Variants in CCDC85A observed in about 807,000 individuals in gnomAD.
The protein encoded by CCDC85A is coiled-coil domain-containing protein 85A.
Under a neutral mutation model 50.2 loss-of-function variants are expected in CCDC85A, and 38 were observed. The observed-to-expected ratio is 0.76, with a 90% confidence interval of 0.58 to 0.99. The LOEUF is 0.99. Ranked by LOEUF, CCDC85A falls within the 50% of genes least tolerant of loss-of-function variation. The pLI, the probability that CCDC85A is intolerant of heterozygous loss-of-function variation, is 0.00. For missense variants in CCDC85A, 820 were observed against 742.0 expected (o/e 1.11, Z -1.22); for synonymous variants, 366 against 301.4 (o/e 1.21, Z -2.22).
At chr2:56,241,392 C>T (rs189884067) in intron 2 of CCDC85A, among the ~76,000 whole-genome samples, 40 of 152,160 alleles carry the variant, frequency 2.6e-4, no homozygotes, top group African/African-American at 3.9e-4. Flanking sequence ...GTAGTTGCCG[C>T]GTTGTGCTAT....
intron 2 of CCDC85A, among the ~76,000 whole-genome samples, chr2:56,339,169 A>G (rs1025737646): frequency 6.6e-5 from 10 of 152,324 alleles, no homozygotes; most frequent in African/African-American, 2.4e-4. Flanking sequence ...GACACAAATC[A>G]GTGACACAAT....
At chr2:56,204,838 C>A (rs1438417347) in intron 2 of CCDC85A, among the ~76,000 whole-genome samples, 1 of 152,236 alleles carries the variant, frequency 6.6e-6, no homozygotes. Context: ...AGCAATTCAT[C>A]TAGCAATATC....
At chr2:56,252,848 T>G (rs527271170) in intron 2 of CCDC85A, among the ~76,000 whole-genome samples, 3 of 152,184 alleles carry the variant, frequency 2.0e-5, no homozygotes, top group African/African-American at 7.2e-5. Context: ...TCCAGCTTCA[T>G]CCATGTCCCT....
At position 56,248,341 on chromosome 2, in the gene CCDC85A, C is replaced by T. The variant is rs147511930; in HGVS notation, c.1240+54901C>T. Reference sequence around the variant, plus strand: ...TTCTGTTATGGGGAAGCCCTGGCATCGTAACCAGGGGCCAAGTGGAGCGGT... The same window carrying T: ...TTCTGTTATGGGGAAGCCCTGGCATTGTAACCAGGGGCCAAGTGGAGCGGT... On this transcript the variant is annotated intron_variant, in intron 2 of 5. Transcript: ENST00000407595. 1.0e-3 allele frequency among the ~76,000 whole-genome samples: 155 copies of T among 152,234 alleles called. 1 individual carries two copies. In the East Asian group the frequency reaches 0.011, roughly 11 times the overall value.
In CCDC85A at chr2:56,372,449, G is replaced by T; in HGVS notation, c.1423G>T (p.Gly475Ter). ...RVLQWWQGCR[G>*]IGRCLPTLPG... is the part of the protein sequence containing the mutation. ...CTTGCAGTGGTGGCAAGGGTGCCGA[G>T]GAATAGGACGATGCCTGCCTACTCT... Residue 475 changes from glycine to a stop codon, truncating the protein, a stop_gained, in exon 4 of 6, where the codon GGA becomes TGA. Transcript: ENST00000407595. LOFTEE classifies it high-confidence loss of function. 6.2e-7 allele frequency: 1 copy of T among 1,609,838 alleles called. No individual in the cohort carries two copies. The highest frequency in any genetic ancestry group is 1.7e-5 in the Admixed American group (1 of 59,612).
intron 3 of CCDC85A, among the ~76,000 whole-genome samples, chr2:56,343,386 T>C (rs1437884269): frequency 6.6e-6 from 1 of 152,228 alleles, no homozygotes; most frequent in Non-Finnish European, 1.5e-5. Context: ...ATTAAATTAG[T>C]ACATTCTAAA....
intron 5 of CCDC85A, among the ~76,000 whole-genome samples, chr2:56,380,387 A>G (rs1676524729): frequency 6.6e-6 from 1 of 152,054 alleles, no homozygotes; most frequent in Admixed American, 6.6e-5. Flanking sequence ...GGTAAGAAAG[A>G]CAGATAAGAA....
intron 1 of CCDC85A, among the ~76,000 whole-genome samples, chr2:56,191,322 T>A (rs571712908): frequency 5.4e-4 from 83 of 152,312 alleles, no homozygotes; most frequent in African/African-American, 2.0e-3. Context: ...CATGTCAGGG[T>A]CTTTGCTGTG....
At chr2:56,368,572 G>C (rs183572487) in intron 3 of CCDC85A, among the ~76,000 whole-genome samples, 46 of 152,184 alleles carry the variant, frequency 3.0e-4, no homozygotes, top group Middle Eastern at 3.4e-3. Context: ...GTTTAACCAA[G>C]TTCAGGAATT....
At chr2:56,281,962 T>C (rs1671225097) in intron 2 of CCDC85A, among the ~76,000 whole-genome samples, 1 of 152,168 alleles carries the variant, frequency 6.6e-6, no homozygotes, top group Non-Finnish European at 1.5e-5. Context: ...TTTAAAAATT[T>C]TGTGGTCTGT....
chr2:56,184,124 C>T lies in CCDC85A; in HGVS notation c.-501C>T, dbSNP rs1572988549. On this transcript the variant is annotated 5_prime_UTR_variant, in exon 1 of 6. Transcript: ENST00000407595. ...GGCGTCGCTAGAGCAGCCGGGGAGGCGCCGCGGTGCCCGGCGCGCCCTCCA... is the reference window on the plus strand; with the variant it reads ...GGCGTCGCTAGAGCAGCCGGGGAGGTGCCGCGGTGCCCGGCGCGCCCTCCA... 3 of 975,548 alleles carry T rather than the reference C, an allele frequency of 3.1e-6. No individual in the cohort carries two copies. The highest frequency in any genetic ancestry group is 1.1e-4 in the East Asian group (1 of 8,710). 60.4% of individuals were successfully genotyped at this position (975,548 alleles called of 1,614,324 possible). A position where few individuals can be genotyped will look rare whatever the true frequency, so the allele number is the denominator to read the frequency against.
At chr2:56,276,627 G>GAA (rs1274192900) in intron 2 of CCDC85A, among the ~76,000 whole-genome samples, 1 of 152,120 alleles carries the variant, frequency 6.6e-6, no homozygotes, top group Non-Finnish European at 1.5e-5. Context: ...TGATTGTGAG[G>GAA]CCTCCCCAGC....
intron 2 of CCDC85A, among the ~76,000 whole-genome samples, chr2:56,331,947 G>A (rs1010188744): frequency 6.1e-5 from 9 of 146,754 alleles, no homozygotes; most frequent in African/African-American, 2.2e-4. Flanking sequence ...CCCCCTCCCC[G>A]CCCCCCAGGC....
At chr2:56,255,286 G>T (rs768110886) in intron 2 of CCDC85A, among the ~76,000 whole-genome samples, 4 of 152,180 alleles carry the variant, frequency 2.6e-5, no homozygotes, top group Non-Finnish European at 4.4e-5. Context: ...GCATATCAGT[G>T]ACTATGCAAA....
chr2:56,223,242 G>A (rs1057313138), intron 2 of CCDC85A, among the ~76,000 whole-genome samples: 1 of 152,108 alleles, frequency 6.6e-6, no homozygotes, highest in Non-Finnish European at 1.5e-5. Context: ...TTTTTCTAGA[G>A]AGAGGGGTTA....
At position 56,289,959 on chromosome 2, in the gene CCDC85A, C is replaced by CTA. The variant is rs560645469; in HGVS notation, c.1241-52918_1241-52917dup. On this transcript the variant is annotated intron_variant, in intron 2 of 5. Transcript: ENST00000407595. ...TGAAGAACTTGTCTCTGGTACTAGGCTATGGGTCAAACCTTATCCCAGAGG... is the reference window on the plus strand; with the variant it reads ...TGAAGAACTTGTCTCTGGTACTAGGCTATATGGGTCAAACCTTATCCCAGAGG... 2.5e-3 allele frequency among the ~76,000 whole-genome samples: 382 copies of CTA among 152,224 alleles called. 3 individuals carry two copies. The highest frequency in any genetic ancestry group is 8.5e-3 in the African/African-American group (355 of 41,544).
chr2:56,250,390 T>C (rs1669700702), intron 2 of CCDC85A, among the ~76,000 whole-genome samples: 1 of 152,168 alleles, frequency 6.6e-6, no homozygotes, highest in African/African-American at 2.4e-5. Flanking sequence ...AGTTTGAAGT[T>C]AGAAAACAAA....
At chr2:56,204,929 A>G (rs1448830615) in intron 2 of CCDC85A, among the ~76,000 whole-genome samples, 1 of 152,200 alleles carries the variant, frequency 6.6e-6, no homozygotes, top group Non-Finnish European at 1.5e-5. Context: ...AACAGGCTAT[A>G]GTAGAGGTGA....
At chr2:56,363,658 T>G (rs1675647976) in intron 3 of CCDC85A, among the ~76,000 whole-genome samples, 1 of 152,218 alleles carries the variant, frequency 6.6e-6, no homozygotes, top group Non-Finnish European at 1.5e-5. Context: ...GAATATTTCT[T>G]AGTCAATTCA....
Sources: allele counts gnomAD v4.1 joint callset (sites outside exome capture counted in the v4.1 genomes callset), GRCh38; gene constraint gnomAD v4.1.1; transcripts MANE v1.5; gene names NCBI Gene and HGNC (gene_info 2026-07-23, HGNC 2026-07-21).